The following SIL1 variants were observed in gnomAD, a reference collection of about 807,000 sequenced individuals.
SIL1 encodes nucleotide exchange factor SIL1.
Under a neutral mutation model 49.1 loss-of-function variants are expected in SIL1, and 40 were observed. The observed-to-expected ratio is 0.81, with a 90% CI of 0.63 to 1.06. SIL1 has a LOEUF of 1.06. Among genes scored for constraint, SIL1 ranks in the 50% least tolerant of loss-of-function variants. SIL1 has a pLI of 0.00. For missense variants in SIL1, 500 were observed against 572.6 expected (o/e 0.87, Z 1.29); for synonymous variants, 253 against 250.8 (o/e 1.01, Z -0.08).
chr5:138,949,810 A>AAAAAAAG (rs1561800688), intron 9 of SIL1, among the ~76,000 whole-genome samples: 3 of 141,244 alleles, frequency 2.1e-5, no homozygotes, highest in African/African-American at 9.4e-5. Context: ...AAAAAAAAAA[A>AAAAAAAG]AAAAAAGAAA....
rs548087423 is a variant in SIL1, at chr5:138,948,862, G to A, written c.1030-1389C>T. Among the ~76,000 whole-genome samples the A allele has an allele frequency of 4.6e-5, 7 of 152,254 alleles. No homozygotes were observed. The highest frequency in any genetic ancestry group is 1.4e-4 in the African/African-American group (6 of 41,546). ...GGTTGTTATTCTAGAGAGCAAGCCC[G>A]GCCCAGCATGCTTTTTTCCGCAAGT... On this transcript the variant is annotated intron_variant, in intron 9 of 9. Coordinates refer to ENST00000394817, the MANE Select transcript of SIL1 (RefSeq NM_022464.5). This position sits in a 1 kb window ranked among gnomAD's most constrained non-coding sequence, Gnocchi z 4.8.
intron 5 of SIL1, among the ~76,000 whole-genome samples, chr5:139,029,009 T>C (rs6862393): frequency 0.42 from 64,056 of 152,204 alleles, 14,360 homozygotes; most frequent in African/African-American, 0.59. Flanking sequence ...TACACAGTGG[T>C]TCATGCCTGT....
chr5:139,116,769 GC>G (rs1770998370), intron 3 of SIL1, among the ~76,000 whole-genome samples: 3 of 152,218 alleles, frequency 2.0e-5, no homozygotes, highest in African/African-American at 7.2e-5. Context: ...ACGCCACTGT[GC>G]CCAGAACAAA....
chr5:138,992,316 T>C (rs1399195231), intron 7 of SIL1, among the ~76,000 whole-genome samples: 1 of 152,226 alleles, frequency 6.6e-6, no homozygotes, highest in East Asian at 1.9e-4. Context: ...CTTCAAACTA[T>C]AGAAAGAACA....
At chr5:139,035,577 C>A in intron 5 of SIL1, 2 of 460,842 alleles carry the variant, frequency 4.3e-6, no homozygotes, top group South Asian at 1.7e-5. Flanking sequence ...CAGATACCAG[C>A]AATGATACCT....
intron 3 of SIL1, among the ~76,000 whole-genome samples, chr5:139,085,206 G>A (rs1229667779): frequency 6.6e-6 from 1 of 152,152 alleles, no homozygotes; most frequent in African/African-American, 2.4e-5. Flanking sequence ...GAAAGTCCAG[G>A]GCACAATCAG....
chr5:139,195,978 A>C (rs770841970), intron 1 of SIL1, among the ~76,000 whole-genome samples: 16 of 152,164 alleles, frequency 1.1e-4, no homozygotes, highest in Non-Finnish European at 2.2e-4. Context: ...TGAGGCCAGG[A>C]ATTCAAAAAC....
At chr5:139,105,479 G>A (rs1770680012) in intron 3 of SIL1, among the ~76,000 whole-genome samples, 1 of 152,162 alleles carries the variant, frequency 6.6e-6, no homozygotes, top group Non-Finnish European at 1.5e-5. Flanking sequence ...AAAAAATTCA[G>A]CTGTTACCAG....
chr5:139,017,329 G>A (rs1214743756), intron 7 of SIL1: 1 of 152,150 alleles, frequency 6.6e-6, no homozygotes, highest in East Asian at 1.9e-4. Context: ...TGATGCCAAG[G>A]ATAAAGGGGG....
chr5:139,041,928 G>A (rs1769057668), intron 5 of SIL1, among the ~76,000 whole-genome samples: 1 of 152,042 alleles, frequency 6.6e-6, no homozygotes, highest in Non-Finnish European at 1.5e-5. Context: ...AAAACTGACA[G>A]GACTCAAACA....
rs535393558 is a variant in SIL1 at position 138,989,023 on chromosome 5, C to T, written c.767+32148G>A. On this transcript the variant is annotated intron_variant, in intron 7 of 9. Transcript: ENST00000394817. ...ATATCTCTAGAAGAAACTGACAACA[C>T]TGGTTGCCTTGAGGCAGGGAAGCAG... Among the ~76,000 whole-genome samples the T allele has an allele frequency of 1.0e-3, 159 of 152,302 alleles. 2 individuals are homozygous for T. The highest frequency in any genetic ancestry group is 1.2e-4 in the Non-Finnish European group (8 of 68,028).
intron 3 of SIL1, among the ~76,000 whole-genome samples, chr5:139,056,269 C>A (rs1474314135): frequency 6.6e-6 from 1 of 150,966 alleles, no homozygotes; most frequent in Non-Finnish European, 1.5e-5. Context: ...AAGTGAGGAG[C>A]GTCTCTGCCC....
chr5:138,966,502 C>T (rs533382743), intron 7 of SIL1, among the ~76,000 whole-genome samples: 3 of 152,018 alleles, frequency 2.0e-5, no homozygotes, highest in Admixed American at 6.5e-5. Context: ...CCTCGGCGGG[C>T]GGGTGTAGGG....
intron 3 of SIL1, among the ~76,000 whole-genome samples, chr5:139,100,403 C>T (rs1770561143): frequency 6.6e-6 from 1 of 152,114 alleles, no homozygotes; most frequent in Non-Finnish European, 1.5e-5. Flanking sequence ...GGGAGAGTAG[C>T]AGCAAATGAA....
At chr5:138,983,495 G>A (rs533202087) in intron 7 of SIL1, among the ~76,000 whole-genome samples, 47 of 150,722 alleles carry the variant, frequency 3.1e-4, no homozygotes, top group East Asian at 3.9e-4. Context: ...GCGACAGAGC[G>A]AGATTTTGTC....
chr5:139,046,687 T>C (rs1223345205), intron 4 of SIL1, among the ~76,000 whole-genome samples: 1 of 152,208 alleles, frequency 6.6e-6, no homozygotes, highest in Non-Finnish European at 1.5e-5. Context: ...GGACTAGTGG[T>C]AAAACCTTGC....
intron 1 of SIL1, among the ~76,000 whole-genome samples, chr5:139,132,513 ATGAG>A (rs1750885059): frequency 6.6e-6 from 1 of 152,114 alleles, no homozygotes; most frequent in Admixed American, 6.5e-5. Context: ...GGGAGAGAGA[ATGAG>A]AGAGAGAAAG....
intron 1 of SIL1, among the ~76,000 whole-genome samples, chr5:139,139,636 G>A (rs532462421): frequency 1.3e-5 from 2 of 152,202 alleles, no homozygotes. Context: ...ATGATGTCCT[G>A]TTCACATTCA....
At chr5:139,045,495 C>A (rs183207012) in intron 4 of SIL1, among the ~76,000 whole-genome samples, 18 of 152,230 alleles carry the variant, frequency 1.2e-4, no homozygotes, top group African/African-American at 3.9e-4. Flanking sequence ...TGGAGTTCAG[C>A]CCTGTCAATC....
Sources: gnomAD v4.1 joint callset for allele counts (sites outside exome capture counted in the v4.1 genomes callset) on GRCh38, gnomAD v4.1.1 for gene constraint, Gnocchi (gnomAD v3.1) non-coding constraint, MANE v1.5 for transcripts, NCBI Gene and HGNC (gene_info 2026-07-23, HGNC 2026-07-21) for gene names.